CSMD1: variants seen among roughly 807,000 people sequenced by gnomAD.
CSMD1 encodes the protein CUB and Sushi multiple domains 1, also known as CUB and sushi domain-containing protein 1.
A neutral mutation model predicts 417.5 loss-of-function variants in CSMD1; 213 were observed. That is an observed-to-expected ratio of 0.51 (90% CI 0.46 to 0.57). The LOEUF (loss-of-function observed/expected upper bound fraction) is 0.57. Ranked by LOEUF, CSMD1 falls within the 20% of genes least tolerant of loss-of-function variation. CSMD1 has a pLI of 0.00. For missense variants in CSMD1, 6,923 were observed against 4,529.7 expected, an observed-to-expected ratio of 1.53 and a Z score of -15.17; for synonymous variants, 2,862 against 1,736.8, an observed-to-expected ratio of 1.65 and a Z score of -16.11.
chr8:4,313,391 G>C (rs931891369), intron 3 of CSMD1, among the ~76,000 whole-genome samples: 2 of 151,742 alleles, frequency 1.3e-5, no homozygotes, highest in East Asian at 1.9e-4. Flanking sequence ...CTCTGCTTTT[G>C]AGAATGCGTT....
chr8:3,635,550 C>T (rs1443394199), intron 7 of CSMD1, among the ~76,000 whole-genome samples: 4 of 148,004 alleles, frequency 2.7e-5, no homozygotes, highest in Admixed American at 6.7e-5. Context: ...GTGGCGCGAT[C>T]TCAGCTCACT....
intron 7 of CSMD1, among the ~76,000 whole-genome samples, chr8:3,694,725 G>A (rs139616333): frequency 1.3e-5 from 2 of 152,018 alleles, no homozygotes; most frequent in Non-Finnish European, 2.9e-5. Flanking sequence ...CCTGGAGGAA[G>A]CAGGTGCCAT....
chr8:4,828,729 C>T (rs1202989208), intron 1 of CSMD1, among the ~76,000 whole-genome samples: 3 of 152,144 alleles, frequency 2.0e-5, no homozygotes, highest in Admixed American at 6.6e-5. Flanking sequence ...AACGCTACTA[C>T]TTTTATCATT....
chr8:3,305,761 G>T (rs1005643205), intron 25 of CSMD1, among the ~76,000 whole-genome samples: 1 of 152,090 alleles, frequency 6.6e-6, no homozygotes, highest in Admixed American at 6.5e-5. Flanking sequence ...CTCACTGCAG[G>T]CTCCACCTCC....
chr8:4,335,083 G>A (rs1800092293), intron 3 of CSMD1, among the ~76,000 whole-genome samples: 1 of 152,112 alleles, frequency 6.6e-6, no homozygotes, highest in Non-Finnish European at 1.5e-5. Flanking sequence ...TGTACTTTGT[G>A]TAGAGACAGA....
chr8:4,145,380 T>C lies in CSMD1; in HGVS notation c.416-113281A>G, dbSNP rs1295653629. 2.0e-5 allele frequency among the ~76,000 whole-genome samples: 3 copies of C among 151,110 alleles called. 1 individual carries two copies. The highest frequency in any genetic ancestry group is 7.4e-5 in the African/African-American group (3 of 40,398). On this transcript the variant is annotated intron_variant, in intron 3 of 69. Coordinates refer to ENST00000635120, the MANE Select transcript of CSMD1 (RefSeq NM_033225.6). The stretch of plus-strand genomic sequence containing the variant: ...ATCTGGAAAAATGTCCCAAACATTA[T>C]ATACTATAGTCTTCTTTGGGCAATT...
intron 59 of CSMD1, among the ~76,000 whole-genome samples, chr8:2,963,973 G>A (rs373311193): frequency 2.0e-5 from 3 of 152,306 alleles, no homozygotes; most frequent in South Asian, 4.1e-4. Flanking sequence ...GGGCTGAGAA[G>A]CAAGCACGTG....
At chr8:3,049,942 G>A (rs191217418) in intron 50 of CSMD1, among the ~76,000 whole-genome samples, 3 of 152,100 alleles carry the variant, frequency 2.0e-5, no homozygotes, top group East Asian at 1.9e-4. Context: ...CGAGAACAAC[G>A]TCTGTCAAAC....
At chr8:3,461,249 C>T (rs1816481342) in intron 12 of CSMD1, among the ~76,000 whole-genome samples, 4 of 152,236 alleles carry the variant, frequency 2.6e-5, no homozygotes, top group Admixed American at 2.6e-4. Context: ...ACCCCGAGAC[C>T]TGGCATTCCT....
rs1801397524 is a variant in CSMD1 at position 4,103,265 on chromosome 8, T to TTATACA, written c.416-71167_416-71166insTGTATA. The stretch of plus-strand genomic sequence containing the variant: ...TACTGATGATCAGTGTATACATACA[T>TTATACA]TATATATATCATACTGAAAGTATGA... On this transcript the variant is annotated intron_variant, in intron 3 of 69. Coordinates refer to ENST00000635120, the MANE Select transcript of CSMD1 (RefSeq NM_033225.6). Among the ~76,000 whole-genome samples, 5 of 150,092 alleles carry TTATACA rather than the reference T, an allele frequency of 3.3e-5. No homozygotes were observed. In the South Asian group the frequency reaches 8.4e-4, roughly 25 times the overall value.
At chr8:4,197,933 T>C (rs1452064789) in intron 3 of CSMD1, among the ~76,000 whole-genome samples, 1 of 152,194 alleles carries the variant, frequency 6.6e-6, no homozygotes, top group Non-Finnish European at 1.5e-5. Context: ...CATTTAGTAA[T>C]TCTGTACACA....
chr8:3,192,853 T>C (rs1302315974), intron 33 of CSMD1, among the ~76,000 whole-genome samples: 1 of 152,030 alleles, frequency 6.6e-6, no homozygotes, highest in Non-Finnish European at 1.5e-5. Context: ...GGATGCTCAA[T>C]CCATATAACA....
intron 5 of CSMD1, among the ~76,000 whole-genome samples, chr8:3,836,305 G>T (rs751373078): frequency 6.6e-6 from 1 of 152,116 alleles, no homozygotes; most frequent in Non-Finnish European, 1.5e-5. Context: ...ACAAGTCAAA[G>T]CAGTTTGCCA....
intron 41 of CSMD1, among the ~76,000 whole-genome samples, chr8:3,141,731 C>T (rs1201273151): frequency 1.3e-5 from 2 of 152,102 alleles, no homozygotes; most frequent in Non-Finnish European, 2.9e-5. Context: ...ACTTCCGCCC[C>T]CTGTGATTCC....
intron 3 of CSMD1, among the ~76,000 whole-genome samples, chr8:4,336,969 G>C (rs1282570885): frequency 6.6e-6 from 1 of 152,022 alleles, no homozygotes; most frequent in African/African-American, 2.4e-5. Context: ...CAAACCCTCA[G>C]GATTTGCCGT....
intron 5 of CSMD1, among the ~76,000 whole-genome samples, chr8:3,949,148 C>T (rs1003397825): frequency 6.6e-6 from 1 of 152,140 alleles, no homozygotes; most frequent in South Asian, 2.1e-4. Context: ...TGTGGAATGG[C>T]TAAATTGAGC....
At chr8:3,466,151 G>A (rs544241385) in intron 12 of CSMD1, among the ~76,000 whole-genome samples, 2 of 151,766 alleles carry the variant, frequency 1.3e-5, no homozygotes, top group East Asian at 1.9e-4. Context: ...AGCCTTACAT[G>A]TTTTACTCAG....
intron 7 of CSMD1, among the ~76,000 whole-genome samples, chr8:3,684,563 A>G (rs1382129369): frequency 1.4e-5 from 2 of 146,822 alleles, no homozygotes; most frequent in Non-Finnish European, 3.0e-5. Context: ...CTATATCATC[A>G]TTGTTGAACC....
chr8:3,497,664 T>A (rs897714504), intron 10 of CSMD1, among the ~76,000 whole-genome samples: 41 of 152,250 alleles, frequency 2.7e-4, no homozygotes, highest in Admixed American at 1.3e-3. Context: ...TCTTGTAATG[T>A]CTTCAGTTTA....
Sources: allele counts gnomAD v4.1 joint callset (sites outside exome capture counted in the v4.1 genomes callset), GRCh38; gene constraint gnomAD v4.1.1; transcripts MANE v1.5; gene names NCBI Gene and HGNC (gene_info 2026-07-23, HGNC 2026-07-21).